Variants in MYBPC1 observed in about 807,000 individuals in gnomAD.
MYBPC1 encodes myosin binding protein C1.
In MYBPC1, 52 loss-of-function variants were observed where a neutral mutation model predicts 147.1. The observed-to-expected ratio is 0.35, with a 90% CI of 0.28 to 0.45. The LOEUF (loss-of-function observed/expected upper bound fraction) is 0.45, where lower values mean the gene tolerates loss of function less well. Ranked by LOEUF, MYBPC1 falls within the 20% of genes least tolerant of loss-of-function variation. The pLI, the probability that MYBPC1 is intolerant of heterozygous loss-of-function variation, is 1.00. For synonymous variants in MYBPC1, 477 were observed against 475.9 expected, an observed-to-expected ratio of 1.00 and a Z score of -0.03; for missense variants, 1,228 against 1,440.3, an observed-to-expected ratio of 0.85 and a Z score of 2.39.
intron 19 of MYBPC1, 37 bp downstream of exon 19, chr12:101,659,868 C>G: frequency 6.2e-7 from 1 of 1,611,128 alleles, no homozygotes; most frequent in Non-Finnish European, 8.5e-7. Context: ...TAGAATCAAG[C>G]TGACATGTCA....
chr12:101,663,328 G>T, intron 21 of MYBPC1, 98 bp from the exon 22 acceptor site: 1 of 1,076,788 alleles, frequency 9.3e-7, no homozygotes, highest in Non-Finnish European at 1.4e-6. Flanking sequence ...GGGCTTTTGT[G>T]TCTATTTTTA....
intron 18 of MYBPC1, among the ~76,000 whole-genome samples, chr12:101,658,529 T>C (rs1030315976): frequency 4.6e-5 from 7 of 152,060 alleles, no homozygotes; most frequent in Non-Finnish European, 1.0e-4. Flanking sequence ...AACATTTTAC[T>C]GGAAGGCTTA....
At chr12:101,603,670 A>G (rs1286100439) in intron 1 of MYBPC1, among the ~76,000 whole-genome samples, 5 of 151,954 alleles carry the variant, frequency 3.3e-5, no homozygotes, top group African/African-American at 9.7e-5. Flanking sequence ...GATCAGGTAC[A>G]ATGGCTCATG....
intron 24 of MYBPC1, among the ~76,000 whole-genome samples, chr12:101,671,308 TATACACAC>T (rs1898619633): frequency 1.1e-5 from 1 of 92,954 alleles, no homozygotes; most frequent in African/African-American, 4.3e-5. Flanking sequence ...TTGACACTCA[TATACACAC>T]ACACACACAC....
chr12:101,633,068 G>A (rs1890235205), intron 8 of MYBPC1, among the ~76,000 whole-genome samples: 1 of 152,214 alleles, frequency 6.6e-6, no homozygotes, highest in Non-Finnish European at 1.5e-5. Flanking sequence ...TATTCCAAGT[G>A]CTATAGGATC....
chr12:101,678,187 C>A lies in MYBPC1; in HGVS notation c.3195C>A (p.Ala1065=). ...CTCAGCCTTTGGTTAACACCTATGCCATAGCTGGTTACAATGCCACCCTAA... is the reference window on the plus strand; with the variant it reads ...CTCAGCCTTTGGTTAACACCTATGCAATAGCTGGTTACAATGCCACCCTAA... ...MFTQPLVNTY[A]IAGYNATLNC... Residue 1065 remains alanine, a synonymous_variant, in exon 28 of 32, where the codon GCC becomes GCA. Transcript: ENST00000361466. 2 of 1,614,120 alleles carry A rather than the reference C, an allele frequency of 1.2e-6. No individual in the cohort carries two copies. Among genetic ancestry groups the A allele is most frequent in the East Asian group, 4.5e-5 (2 of 44,874 alleles).
In MYBPC1 at chr12:101,644,801, G is replaced by A; in HGVS notation, c.965+5G>A. On this transcript the variant is annotated splice_donor_5th_base_variant and intron_variant, in intron 12 of 31. Transcript: ENST00000361466. ...AGAAATTCGACCCAGTACCAAGTAA[G>A]TGGGCTTTGCAAAAATCAGTGATAG... 6.2e-7 allele frequency: 1 copy of A among 1,613,564 alleles called. No homozygotes were observed. Among genetic ancestry groups the A allele is most frequent in the Non-Finnish European group, 8.5e-7 (1 of 1,179,620 alleles).
rs1021478639 is a variant in MYBPC1, at chr12:101,678,253, T to C, written c.3246+15T>C. 2.5e-6 allele frequency: 4 copies of C among 1,613,796 alleles called. No individual in the cohort carries two copies. The highest frequency in any genetic ancestry group is 1.7e-5 in the Admixed American group (1 of 60,030). ...GAAATCCTAAGGTACCATGTTCTTC[T>C]ATCACATCAGTTAAAGTCCCTGTCT... On this transcript the variant is annotated intron_variant, in intron 28 of 31. Coordinates refer to ENST00000361466, the MANE Select transcript of MYBPC1 (RefSeq NM_002465.4).
chr12:101,677,188 A>T (rs762184166), intron 26 of MYBPC1, 47 bp from the exon 27 acceptor site: 2 of 1,575,010 alleles, frequency 1.3e-6, no homozygotes, highest in Non-Finnish European at 1.7e-6. Flanking sequence ...GAAAAATTGT[A>T]TACTTTTAGG....
chr12:101,624,277 G>T (rs1350061549), intron 3 of MYBPC1, among the ~76,000 whole-genome samples: 1 of 152,036 alleles, frequency 6.6e-6, no homozygotes, highest in African/African-American at 2.4e-5. Context: ...ACATATCCCT[G>T]TTTGACAGTT....
intron 1 of MYBPC1, chr12:101,600,604 G>A: frequency 6.6e-6 from 1 of 152,078 alleles, no homozygotes; most frequent in South Asian, 2.1e-4. Flanking sequence ...GTCCAAGGAA[G>A]CATTTTTGTT....
chr12:101,695,435 T>A, the MYBPC1 span, among the ~76,000 whole-genome samples: 2 of 152,204 alleles, frequency 1.3e-5, no homozygotes, highest in African/African-American at 4.8e-5. Context: ...TCACACTTTA[T>A]TTCTGGAATT....
chr12:101,661,404 A>G (rs1455882567), intron 20 of MYBPC1, 142 bp downstream of exon 20: 8 of 646,502 alleles, frequency 1.2e-5, no homozygotes, highest in East Asian at 2.9e-5. Context: ...AATGAAATAT[A>G]TATGTTGAGA....
At chr12:101,638,391 A>G (rs1891409408) in intron 10 of MYBPC1, among the ~76,000 whole-genome samples, 1 of 152,218 alleles carries the variant, frequency 6.6e-6, no homozygotes, top group Non-Finnish European at 1.5e-5. Flanking sequence ...ACCATTTACT[A>G]ATTATGTGAC....
intron 2 of MYBPC1, 60 bp downstream of exon 2, chr12:101,614,591 C>A (rs1885386459): frequency 1.5e-5 from 23 of 1,578,638 alleles, no homozygotes; most frequent in Non-Finnish European, 2.0e-5. Flanking sequence ...TCCATCCCAG[C>A]ATGATTTGGC....
chr12:101,659,850 C>T lies in MYBPC1; in HGVS notation c.1927+19C>T, dbSNP rs748157188. ...GTTGTGGGTAAGTCCTCCAGGTAAA[C>T]GCACTTCTAGAATCAAGCTGACATG... On this transcript the variant is annotated intron_variant, in intron 19 of 31. Transcript: ENST00000361466. The T allele has an allele frequency of 1.3e-5, 21 of 1,613,658 alleles. No homozygotes were observed. The highest frequency in any genetic ancestry group is 3.3e-4 in the Middle Eastern group (2 of 6,084).
chr12:101,690,393 G>GATATTGCTGATA (rs1951396746), downstream of MYBPC1, among the ~76,000 whole-genome samples: 1 of 152,076 alleles, frequency 6.6e-6, no homozygotes, highest in South Asian at 2.1e-4. Context: ...TCCCCTCCCA[G>GATATTGCTGATA]ATATTGCTGA....
intron 20 of MYBPC1, 141 bp downstream of exon 20, chr12:101,661,403 T>C: frequency 1.5e-6 from 1 of 653,834 alleles, no homozygotes; most frequent in Non-Finnish European, 2.8e-6. Flanking sequence ...AAATGAAATA[T>C]ATATGTTGAG....
intron 2 of MYBPC1, 109 bp from the exon 3 acceptor site, chr12:101,617,093 C>T: frequency 2.2e-6 from 2 of 927,924 alleles, no homozygotes; most frequent in East Asian, 2.5e-5. Context: ...TCATTTATGA[C>T]CTGTTCTGCT....
Sources: gnomAD v4.1 joint callset for allele counts (sites outside exome capture counted in the v4.1 genomes callset) on GRCh38, gnomAD v4.1.1 for gene constraint, MANE v1.5 for transcripts, NCBI Gene and HGNC (gene_info 2026-07-23, HGNC 2026-07-21) for gene names.